SHROOM2: variants seen among roughly 807,000 people sequenced by gnomAD.
The protein encoded by SHROOM2 is shroom family member 2.
In SHROOM2, 33 loss-of-function variants were observed where a neutral mutation model predicts 75.9. The observed-to-expected ratio is 0.43, with a 90% CI of 0.33 to 0.58. The LOEUF (loss-of-function observed/expected upper bound fraction) is 0.58, where lower values mean the gene tolerates loss of function less well. Among genes scored for constraint, SHROOM2 ranks in the 20% least tolerant of loss-of-function variants. The pLI, the probability that SHROOM2 is intolerant of heterozygous loss-of-function variation, is 0.04. For synonymous variants in SHROOM2, 655 were observed against 663.6 expected (o/e 0.99, Z 0.20); for missense variants, 1,434 against 1,461.2 (o/e 0.98, Z 0.30).
At chrX:9,883,688 A>ATGCAGGGAGACTGATCTGGCAGGAGG (rs2084244038) in intron 2 of SHROOM2, among the ~76,000 whole-genome samples, 1 of 110,804 alleles carries the variant, frequency 9.0e-6, no homozygotes, top group Non-Finnish European at 1.9e-5. Context: ...GCTGTGTTGC[A>ATGCAGGGAGACTGATCTGGCAGGAGG]TGCAGGGAGA....
chrX:9,826,477 C>G (rs1281958394), intron 1 of SHROOM2, among the ~76,000 whole-genome samples: 2 of 111,023 alleles, frequency 1.8e-5, no homozygotes, highest in African/African-American at 6.6e-5. Flanking sequence ...CATTTAAAAA[C>G]AATAACAAAA....
At chrX:9,902,976 C>T (rs1278670350) in intron 5 of SHROOM2, among the ~76,000 whole-genome samples, 1 of 111,834 alleles carries the variant, frequency 8.9e-6, no homozygotes, top group East Asian at 2.8e-4. Flanking sequence ...AATCCCAATA[C>T]CAGCTGCAAA....
At chrX:9,898,350 A>T in intron 5 of SHROOM2, 60 bp downstream of exon 5, 1 of 876,503 alleles carries the variant, frequency 1.1e-6, no homozygotes, top group Non-Finnish European at 1.6e-6. Flanking sequence ...CTTCTGTACG[A>T]TGGGTGGGTG....
At position 9,936,279 on chromosome X, in the gene SHROOM2, T is replaced by A. The variant is rs762915260; in HGVS notation, c.3588-855T>A. Among the ~76,000 whole-genome samples, 43 of 109,515 alleles carry A rather than the reference T, an allele frequency of 3.9e-4. No homozygotes were observed. In the East Asian group the frequency reaches 0.011, roughly 27 times the overall value. ...GGTGCGCACCACCACACCCGGCTAA[T>A]TTTTGTATTTTTAGTAGAGACAGGG... is the stretch of plus-strand genomic sequence containing the variant. On this transcript the variant is annotated intron_variant, in intron 6 of 9. Coordinates refer to ENST00000380913, the MANE Select transcript of SHROOM2 (RefSeq NM_001649.4).
intron 5 of SHROOM2, among the ~76,000 whole-genome samples, chrX:9,920,334 T>G (rs2084533877): frequency 8.9e-6 from 1 of 112,483 alleles, no homozygotes; most frequent in Non-Finnish European, 1.9e-5. Flanking sequence ...AAGTGTTTGG[T>G]AATATGAACA....
At chrX:9,811,783 C>T (rs763508736) in intron 1 of SHROOM2, among the ~76,000 whole-genome samples, 15 of 111,740 alleles carry the variant, frequency 1.3e-4, no homozygotes, top group African/African-American at 4.2e-4. Context: ...GTGAACCAGA[C>T]CCTAGTCTTC....
chrX:9,835,671 G>A (rs922844582), intron 1 of SHROOM2, among the ~76,000 whole-genome samples: 2 of 111,503 alleles, frequency 1.8e-5, no homozygotes, highest in Admixed American at 1.9e-4. Flanking sequence ...CCCTAGGGGG[G>A]TACTGGGTGC....
chrX:9,816,973 C>G lies in SHROOM2; in HGVS notation c.165+30263C>G, dbSNP rs756012961. On this transcript the variant is annotated intron_variant, in intron 1 of 9. Transcript: ENST00000380913. ...GTAAGGTTTTCTGTTGAATATTTTT[C>G]TTTTTCTTTTTTTTAAGAGACGTTG... Among the ~76,000 whole-genome samples the G allele has an allele frequency of 1.1e-4, 12 of 110,860 alleles. No individual in the cohort carries two copies. In the East Asian group the frequency reaches 3.4e-3, roughly 31 times the overall value.
chrX:9,901,044 A>G (rs2084363010), intron 5 of SHROOM2, among the ~76,000 whole-genome samples: 1 of 111,305 alleles, frequency 9.0e-6, no homozygotes, highest in African/African-American at 3.3e-5. Flanking sequence ...ATTCTCCCAC[A>G]GTCCTAGAGG....
In SHROOM2 at chrX:9,896,033, C is replaced by G; in HGVS notation, c.2125C>G (p.Leu709Val). The change falls in exon 4 of 10, where the codon CTA (leucine) becomes GTA (valine). Residue 709 changes from leucine (L) to valine (V), a missense_variant. Transcript: ENST00000380913. ...RRDLDPNPGD[L>V]YPESLEHRMG... ...CGACTTGGACCCCAACCCAGGAGAC[C>G]TATACCCGGAGTCACTGGAACACCG... The G allele has an allele frequency of 8.3e-7, 1 of 1,210,689 alleles. No homozygotes were observed. Among genetic ancestry groups the G allele is most frequent in the Non-Finnish European group, 1.1e-6 (1 of 895,304 alleles).
intron 5 of SHROOM2, among the ~76,000 whole-genome samples, chrX:9,916,426 T>C (rs2084491401): frequency 8.9e-6 from 1 of 112,101 alleles, no homozygotes; most frequent in African/African-American, 3.2e-5. Context: ...GCAGCAGATA[T>C]CTGTAGTGAA....
chrX:9,822,985 A>ATTCTTCTTCTTCTTC (rs1193729528), intron 1 of SHROOM2, among the ~76,000 whole-genome samples: 10 of 88,256 alleles, frequency 1.1e-4, no homozygotes, highest in African/African-American at 4.2e-4. Context: ...AAGAATAATA[A>ATTCTTCTTCTTCTTC]TTCTTCTTCT....
At chrX:9,888,089 C>T (rs2084270508) in intron 2 of SHROOM2, among the ~76,000 whole-genome samples, 2 of 113,238 alleles carry the variant, frequency 1.8e-5, no homozygotes, top group African/African-American at 6.4e-5. Flanking sequence ...TGATGTCCAT[C>T]TGTCCAGGGC....
chrX:9,869,399 A>C (rs1008909632), intron 1 of SHROOM2, among the ~76,000 whole-genome samples: 1 of 112,444 alleles, frequency 8.9e-6, no homozygotes, highest in African/African-American at 3.2e-5. Flanking sequence ...TCCAACCATC[A>C]CCACTGTCCA....
intron 1 of SHROOM2, among the ~76,000 whole-genome samples, chrX:9,808,413 G>T (rs2083769266): frequency 9.3e-6 from 1 of 107,902 alleles, no homozygotes; most frequent in Non-Finnish European, 1.9e-5. Context: ...CAGGTGTGGT[G>T]GTGCACACCT....
chrX:9,896,443 C>T lies in SHROOM2; in HGVS notation c.2535C>T (p.Thr845=), dbSNP rs146225710. 1.0e-3 allele frequency: 1,206 copies of T among 1,210,832 alleles called. 2 individuals carry two copies. The highest frequency in any genetic ancestry group is 2.1e-3 in the Middle Eastern group (9 of 4,350). ...AGGGCACGGAGCCCTGGTCGCGCAC[C>T]ACCTCCCTTGGGGACAGCCTCAACG... ...TCEGTEPWSR[T]TSLGDSLNAH... is the part of the protein sequence containing the mutation. The change falls in exon 4 of 10, where the codon ACC becomes ACT. Residue 845 remains threonine, a synonymous_variant. Transcript: ENST00000380913.
At position 9,835,727 on chromosome X, in the gene SHROOM2, G is replaced by GT. The variant is rs5901419; in HGVS notation, c.166-37910dup. Among the ~76,000 whole-genome samples, 697 of 95,797 alleles carry GT rather than the reference G, an allele frequency of 7.3e-3. 1 individual carries two copies. The highest frequency in any genetic ancestry group is 7.4e-3 in the Non-Finnish European group (347 of 47,151). 83.2% of individuals were successfully genotyped at this position (95,797 alleles called of 115,157 possible). On this transcript the variant is annotated intron_variant, in intron 1 of 9. Transcript: ENST00000380913. The stretch of plus-strand genomic sequence containing the variant: ...GCCCGACCTCACTGGCTCTCTTCAT[G>GT]TTTTTTTTTTTTTTTGGTTGTTTTG...
chrX:9,825,738 T>A (rs2083884239), intron 1 of SHROOM2, among the ~76,000 whole-genome samples: 1 of 111,194 alleles, frequency 9.0e-6, no homozygotes, highest in South Asian at 3.7e-4. Flanking sequence ...AGATAGTAGC[T>A]GCTTCCCTCC....
chrX:9,801,269 A>G (rs2146730661), intron 1 of SHROOM2, among the ~76,000 whole-genome samples: 1 of 112,282 alleles, frequency 8.9e-6, no homozygotes, highest in Admixed American at 9.4e-5. Flanking sequence ...ATCTCCCACC[A>G]GGTCCCTCCC....
Sources: gnomAD v4.1 joint callset for allele counts (sites outside exome capture counted in the v4.1 genomes callset) on GRCh38, gnomAD v4.1.1 for gene constraint, MANE v1.5 for transcripts, NCBI Gene and HGNC (gene_info 2026-07-23, HGNC 2026-07-21) for gene names.